Variants in AFF2 observed in about 807,000 individuals in gnomAD.
AFF2 encodes the protein AF4/FMR2 family member 2.
In AFF2, 14 loss-of-function variants were observed where a neutral mutation model predicts 76.9. The observed-to-expected ratio is 0.18, with a 90% confidence interval of 0.12 to 0.28. The LOEUF (loss-of-function observed/expected upper bound fraction) is 0.28. Among genes scored for constraint, AFF2 ranks in the 10% least tolerant of loss-of-function variants. AFF2 has a pLI of 1.00. For missense variants in AFF2, 868 were observed against 1,001.1 expected (o/e 0.87, Z 1.79); for synonymous variants, 398 against 366.7 (o/e 1.09, Z -0.98).
At chrX:148,712,246 C>T (rs782411454) in intron 3 of AFF2, among the ~76,000 whole-genome samples, 1 of 111,743 alleles carries the variant, frequency 8.9e-6, no homozygotes, top group Admixed American at 9.5e-5. Context: ...TGTTTATCCT[C>T]AATACCAAGA....
chrX:148,911,126 T>C (rs1294473618), intron 9 of AFF2, among the ~76,000 whole-genome samples: 2 of 110,282 alleles, frequency 1.8e-5, no homozygotes, highest in Non-Finnish European at 3.8e-5. Context: ...TTTATGTGTG[T>C]ATAATGCATC....
chrX:148,649,304 T>C (rs1392555255), intron 1 of AFF2, among the ~76,000 whole-genome samples: 1 of 111,968 alleles, frequency 8.9e-6, no homozygotes. Flanking sequence ...AAATTAGTAA[T>C]GTTGGTTTCA....
At chrX:148,526,124 A>G (rs1471124524) in intron 1 of AFF2, among the ~76,000 whole-genome samples, 1 of 111,851 alleles carries the variant, frequency 8.9e-6, no homozygotes, top group East Asian at 2.8e-4. Flanking sequence ...GTGGCACAAA[A>G]AACTTGGCAC....
intron 3 of AFF2, among the ~76,000 whole-genome samples, chrX:148,795,969 C>A (rs1219676187): frequency 2.1e-5 from 2 of 96,913 alleles, no homozygotes; most frequent in African/African-American, 7.5e-5. Flanking sequence ...TTTCAGGTAA[C>A]CAATTAAATG....
intron 1 of AFF2, among the ~76,000 whole-genome samples, chrX:148,608,997 A>G (rs185712914): frequency 1.5e-4 from 17 of 111,528 alleles, no homozygotes; most frequent in African/African-American, 5.5e-4. Flanking sequence ...AGTACTAGGA[A>G]CTAGGATATT....
chrX:148,689,565 G>C (rs916177854), intron 3 of AFF2, among the ~76,000 whole-genome samples: 3 of 111,079 alleles, frequency 2.7e-5, no homozygotes, highest in Non-Finnish European at 3.8e-5. Flanking sequence ...TCTTTTTCTA[G>C]TTCATGGATT....
chrX:148,771,394 G>A (rs966920233), intron 3 of AFF2, among the ~76,000 whole-genome samples: 7 of 112,018 alleles, frequency 6.2e-5, no homozygotes, highest in Non-Finnish European at 1.1e-4. Context: ...ATTATAGAAT[G>A]TGCAGCTGAT....
intron 3 of AFF2, among the ~76,000 whole-genome samples, chrX:148,793,676 T>C (rs1481439849): frequency 8.9e-6 from 1 of 111,930 alleles, no homozygotes; most frequent in Non-Finnish European, 1.9e-5. Flanking sequence ...TCAGCAGTAC[T>C]TGTATGATAT....
chrX:148,909,724 A>C (rs2071448338), intron 9 of AFF2, among the ~76,000 whole-genome samples: 1 of 111,877 alleles, frequency 8.9e-6, no homozygotes, highest in South Asian at 3.8e-4. Flanking sequence ...AACCTGGTCT[A>C]TTTCTCACTA....
At chrX:148,504,034 A>T (rs868991295) in intron 1 of AFF2, among the ~76,000 whole-genome samples, 1 of 109,994 alleles carries the variant, frequency 9.1e-6, no homozygotes, top group Non-Finnish European at 1.9e-5. Flanking sequence ...AAGATAAATT[A>T]AAAAAAAATC....
intron 3 of AFF2, among the ~76,000 whole-genome samples, chrX:148,681,954 C>T (rs142994103): frequency 5.7e-4 from 64 of 111,837 alleles, no homozygotes; most frequent in African/African-American, 2.0e-3. Context: ...TACACATGCA[C>T]AAAAGCATGC....
intron 3 of AFF2, among the ~76,000 whole-genome samples, chrX:148,750,276 C>T (rs1362698052): frequency 3.6e-5 from 4 of 111,498 alleles, no homozygotes; most frequent in African/African-American, 9.8e-5. Context: ...GCCGCCTGCA[C>T]CCTTAACATT....
rs151339705 is a variant in AFF2 at position 148,985,285 on chromosome X, C to CTTTTTTT, written c.3624-2054_3624-2048dup. Among the ~76,000 whole-genome samples, 127 of 15,377 alleles carry CTTTTTTT rather than the reference C, an allele frequency of 8.3e-3. 34 individuals carry two copies. Among genetic ancestry groups the CTTTTTTT allele is most frequent in the East Asian group, 0.012 (4 of 346 alleles). The allele number at this position is 15,377 out of a possible 115,157, so 13.4% of individuals were successfully genotyped here. A position where few individuals can be genotyped will look rare whatever the true frequency, so the allele number is the denominator to read the frequency against. On this transcript the variant is annotated intron_variant, in intron 19 of 20. Coordinates refer to ENST00000370460, the MANE Select transcript of AFF2 (RefSeq NM_002025.4). ...ACAGGCATGAGCCCCTGTGCCTGGC[C>CTTTTTTT]TTTTTTTTTTTTTTTTTTTTTTTTT...
At chrX:148,591,978 C>T (rs1023867738) in intron 1 of AFF2, among the ~76,000 whole-genome samples, 2 of 112,078 alleles carry the variant, frequency 1.8e-5, no homozygotes, top group Non-Finnish European at 3.8e-5. Flanking sequence ...CTGCCTAAGA[C>T]AAACTCCTGT....
chrX:148,869,693 G>A (rs1477076342), intron 7 of AFF2, among the ~76,000 whole-genome samples: 6 of 112,132 alleles, frequency 5.4e-5, no homozygotes, highest in African/African-American at 1.9e-4. Context: ...AGTACCACAA[G>A]TTGGAAGGCT....
intron 1 of AFF2, among the ~76,000 whole-genome samples, chrX:148,518,019 T>C (rs1368678847): frequency 2.1e-5 from 2 of 97,485 alleles, no homozygotes; most frequent in East Asian, 6.3e-4. Context: ...CATGACTCCG[T>C]CTCAAAAAAA....
At chrX:148,906,770 C>T (rs781993602) in intron 9 of AFF2, among the ~76,000 whole-genome samples, 1 of 111,643 alleles carries the variant, frequency 9.0e-6, no homozygotes, top group African/African-American at 3.3e-5. Context: ...TTTTGCTCGC[C>T]GTCCACCACT....
chrX:148,706,304 A>C (rs184157242), intron 3 of AFF2, among the ~76,000 whole-genome samples: 50 of 112,273 alleles, frequency 4.5e-4, no homozygotes, highest in Non-Finnish European at 8.8e-4. Context: ...CCATTCGGCA[A>C]GAAAACAAGT....
At chrX:148,585,819 C>T (rs782392257) in intron 1 of AFF2, among the ~76,000 whole-genome samples, 234 of 89,093 alleles carry the variant, frequency 2.6e-3, no homozygotes, top group South Asian at 4.1e-3. Context: ...CCAGGCTGGG[C>T]GACAGAGCGA....
Sources: gnomAD v4.1 joint callset for allele counts (sites outside exome capture counted in the v4.1 genomes callset) on GRCh38, gnomAD v4.1.1 for gene constraint, MANE v1.5 for transcripts, NCBI Gene and HGNC (gene_info 2026-07-23, HGNC 2026-07-21) for gene names.